Variants in BARHL2 observed in about 807,000 individuals in gnomAD.
BARHL2 encodes the protein BarH like homeobox 2.
Under a neutral mutation model 27.1 loss-of-function variants are expected in BARHL2, and 10 were observed. The observed-to-expected ratio is 0.37, with a 90% CI of 0.23 to 0.63. BARHL2 has a LOEUF of 0.63. Among genes scored for constraint, BARHL2 ranks in the 20% least tolerant of loss-of-function variants. The pLI is 0.65. For missense variants in BARHL2, 483 were observed against 533.5 expected (o/e 0.91, Z 0.93); for synonymous variants, 248 against 224.7 (o/e 1.10, Z -0.93).
At chr1:90,714,176 G>A (rs757418262) in intron 2 of BARHL2, among the ~76,000 whole-genome samples, 7 of 152,218 alleles carry the variant, frequency 4.6e-5, no homozygotes, top group African/African-American at 7.2e-5. Context: ...GGGGTGCACC[G>A]CGCAGGCTCT....
chr1:90,717,282 C>A lies in BARHL2; in HGVS notation c.-87G>T. 1 of 1,530,442 alleles carries A rather than the reference C, an allele frequency of 6.5e-7. No homozygotes were observed. Among genetic ancestry groups the A allele is most frequent in the Non-Finnish European group, 8.7e-7 (1 of 1,153,290 alleles). 94.8% of individuals were successfully genotyped at this position (1,530,442 alleles called of 1,614,324 possible). ...TATCGATCGTAAAACAAAATAAACA[C>A]CAAACAATGTTGCCGCCGCTTAAAA... On this transcript the variant is annotated 5_prime_UTR_variant, in exon 1 of 3. Transcript: ENST00000370445.
At position 90,717,255 on chromosome 1, in the gene BARHL2, G is replaced by C; in HGVS notation, c.-60C>G. On this transcript the variant is annotated 5_prime_UTR_variant, in exon 1 of 3. Coordinates refer to ENST00000370445, the MANE Select transcript of BARHL2 (RefSeq NM_020063.2). ...CAGCCGCCCCGAACCAGCGAAGAAA[G>C]CTATCGATCGTAAAACAAAATAAAC... The C allele has an allele frequency of 6.4e-7, 1 of 1,563,722 alleles. No individual in the cohort carries two copies. Among genetic ancestry groups the C allele is most frequent in the Non-Finnish European group, 8.6e-7 (1 of 1,165,996 alleles).
chr1:90,712,855 A>T (rs1394791106), intron 2 of BARHL2, among the ~76,000 whole-genome samples: 3 of 152,056 alleles, frequency 2.0e-5, no homozygotes. Flanking sequence ...AGTGGCTGAG[A>T]CCCTCACAAA....
At position 90,712,561 on chromosome 1, in the gene BARHL2, C is replaced by T. The variant is rs771489833; in HGVS notation, c.915G>A (p.Ser305=). 133 of 1,613,578 alleles carry T rather than the reference C, an allele frequency of 8.2e-5. No individual in the cohort carries two copies. Among genetic ancestry groups the T allele is most frequent in the Non-Finnish European group, 1.1e-4 (129 of 1,179,866 alleles). The change falls in exon 3 of 3, where the codon TCG becomes TCA. Residue 305 remains serine, a synonymous_variant. Coordinates refer to ENST00000370445, the MANE Select transcript of BARHL2 (RefSeq NM_020063.2). ...LELLAEAGNY[S]ALQRMFPSPY... is the part of the protein sequence containing the mutation. ...GCGATGGAAACATCCTCTGCAGCGCCGAGTAGTTCCCTGCCTCGGCCAGCA... is the reference window on the plus strand; with the variant it reads ...GCGATGGAAACATCCTCTGCAGCGCTGAGTAGTTCCCTGCCTCGGCCAGCA...
chr1:90,714,798 T>C, intron 1 of BARHL2, 42 bp from the exon 2 acceptor site: 1 of 1,595,434 alleles, frequency 6.3e-7, no homozygotes, highest in Non-Finnish European at 8.6e-7. Flanking sequence ...TAGCCTGGAA[T>C]GGGGAAGGAC....
Position 90,716,869 on chromosome 1 carries a change from G to T in BARHL2, c.327C>A (p.Pro109=). 6.4e-7 allele frequency: 1 copy of T among 1,570,352 alleles called. No individual in the cohort carries two copies. The highest frequency in any genetic ancestry group is 8.6e-7 in the Non-Finnish European group (1 of 1,159,036). ...GTGGCGGCAGCGGCTGCTGCTGTTGGGGCAAAGGCTGCAAACTTTGCGTCG... is the reference window on the plus strand; with the variant it reads ...GTGGCGGCAGCGGCTGCTGCTGTTGTGGCAAAGGCTGCAAACTTTGCGTCG... ...AAPTQSLQPL[P]QQQQPLPPQQ... is the part of the protein sequence containing the mutation. The change falls in exon 1 of 3, where the codon CCC becomes CCA. Residue 109 remains proline, a synonymous_variant. Coordinates refer to ENST00000370445, the MANE Select transcript of BARHL2 (RefSeq NM_020063.2).
chr1:90,716,578 T>C lies in BARHL2; in HGVS notation c.618A>G (p.Lys206=), dbSNP rs1213042380. ...DKREDSQSDI[K]CHGTKEEGDR... is the part of the protein sequence containing the mutation. ...CCGGGTGGCGGGACTCACCGTGGCA[T>C]TTGATGTCGCTCTGGGAATCCTCCC... The change falls in exon 1 of 3, where the codon AAA becomes AAG. Residue 206 remains lysine, a synonymous_variant. Transcript: ENST00000370445. The C allele has an allele frequency of 6.2e-7, 1 of 1,613,808 alleles. No individual in the cohort carries two copies. The highest frequency in any genetic ancestry group is 8.5e-7 in the Non-Finnish European group (1 of 1,179,936).
intron 2 of BARHL2, among the ~76,000 whole-genome samples, chr1:90,713,242 G>C (rs563490002): frequency 3.9e-4 from 60 of 152,300 alleles, no homozygotes; most frequent in Admixed American, 3.1e-3. Context: ...TCTCAAAATG[G>C]AATTCATTTG....
intron 2 of BARHL2, 97 bp downstream of exon 2, chr1:90,714,434 C>T (rs1658101590): frequency 8.2e-7 from 1 of 1,216,136 alleles, no homozygotes; most frequent in East Asian, 2.3e-5. Context: ...CACTCTCAGT[C>T]CTTAGAGTCT....
In BARHL2 at chr1:90,712,550, C is replaced by T. The variant is rs770097786; in HGVS notation, c.926G>A (p.Arg309Lys). The change falls in exon 3 of 3, where the codon AGG (arginine) becomes AAG (lysine). Residue 309 changes from arginine to lysine, a missense_variant. Coordinates refer to ENST00000370445, the MANE Select transcript of BARHL2 (RefSeq NM_020063.2). Reference protein sequence around the residue: ...AEAGNYSALQRMFPSPYFYHP... With the variant: ...AEAGNYSALQKMFPSPYFYHP... ...ATAGAAATAAGGCGATGGAAACATC[C>T]TCTGCAGCGCCGAGTAGTTCCCTGC... The T allele has an allele frequency of 6.8e-6, 11 of 1,613,938 alleles. No individual in the cohort carries two copies. Among genetic ancestry groups the T allele is most frequent in the Non-Finnish European group, 9.3e-6 (11 of 1,179,972 alleles).
chr1:90,716,749 G>A lies in BARHL2; in HGVS notation c.447C>T (p.Gly149=), dbSNP rs746893395. 3.8e-6 allele frequency: 6 copies of A among 1,588,966 alleles called. No individual in the cohort carries two copies. Among genetic ancestry groups the A allele is most frequent in the Non-Finnish European group, 8.6e-7 (1 of 1,166,834 alleles). ...CACATGCCGCCAGAGGTTTGCTGTC[G>A]CCCAAGATGTCCTTAATTAAAAAAG... ...TSSFLIKDIL[G]DSKPLAACAP... Residue 149 remains glycine, a synonymous_variant, in exon 1 of 3, where the codon GGC becomes GGT. Coordinates refer to ENST00000370445, the MANE Select transcript of BARHL2 (RefSeq NM_020063.2).
In BARHL2 at chr1:90,716,992, G is replaced by T. The variant is rs148411180; in HGVS notation, c.204C>A (p.Val68=). The part of the protein sequence containing the change: ...VGTAPSSPIS[V]TMEPPEPHLV... ...GATGCGGCTCCGGGGGCTCCATGGT[G>T]ACTGAGATAGGAGAAGAAGGCGCCG... The change falls in exon 1 of 3, where the codon GTC becomes GTA. Residue 68 remains valine (V), a synonymous_variant. Transcript: ENST00000370445. 158 of 1,613,798 alleles carry T rather than the reference G, an allele frequency of 9.8e-5. No individual in the cohort carries two copies. The African/African-American group carries it at 1.7e-3, about 18-fold the overall frequency.
At position 90,714,784 on chromosome 1, in the gene BARHL2, A is replaced by T. The variant is rs747499246; in HGVS notation, c.626-28T>A. 7 of 1,609,532 alleles carry T rather than the reference A, an allele frequency of 4.3e-6. No individual in the cohort carries two copies. In the South Asian group the frequency reaches 7.7e-5, roughly 18 times the overall value. On this transcript the variant is annotated intron_variant, in intron 1 of 2. Coordinates refer to ENST00000370445, the MANE Select transcript of BARHL2 (RefSeq NM_020063.2). ...ACCATAGAAACCCAGCCACGGTGGT[A>T]AGTTAGCCTGGAATGGGGAAGGACT...
chr1:90,716,822 G>C lies in BARHL2; in HGVS notation c.374C>G (p.Pro125Arg), dbSNP rs778419577. 21 of 1,552,568 alleles carry C rather than the reference G, an allele frequency of 1.4e-5. No individual in the cohort carries two copies. In the Admixed American group the frequency reaches 1.8e-4, roughly 13 times the overall value. Residue 125 changes from proline to arginine, a missense_variant, in exon 1 of 3, where the codon CCC (proline) becomes CGC (arginine). By Grantham distance (103) the Pro-to-Arg change is moderately radical (BLOSUM62 -2). Coordinates refer to ENST00000370445, the MANE Select transcript of BARHL2 (RefSeq NM_020063.2). ...CGAGGCGGCCGAGCCCAGCTGCTGGGGGGGCGGCGGCGGCGGCTGCTGTGG... is the reference window on the plus strand; with the variant it reads ...CGAGGCGGCCGAGCCCAGCTGCTGGCGGGGCGGCGGCGGCGGCTGCTGTGG... The part of the protein sequence containing the change: ...LPPQQPPPPP[P>R]QQLGSAASAP...
chr1:90,712,502 A>G lies in BARHL2; in HGVS notation c.974T>C (p.Met325Thr). Reference sequence around the variant, plus strand: ...AGCCGCCGCCGCCGTAGTGCTGTCCATGCTGCCCAGCAGGCTTGGGTGATA... The same window carrying G: ...AGCCGCCGCCGCCGTAGTGCTGTCCGTGCTGCCCAGCAGGCTTGGGTGATA... ...YFYHPSLLGS[M>T]DSTTAAAAAA... The change falls in exon 3 of 3, where the codon ATG becomes ACG. Residue 325 changes from methionine (M) to threonine (T), a missense_variant. By Grantham distance (81) the Met-to-Thr change is moderately conservative (BLOSUM62 -1). This residue lies in a region of BARHL2 where 130 missense variants were observed against 138.0 expected (regional missense o/e 0.94). Transcript: ENST00000370445. The G allele has an allele frequency of 1.2e-6, 2 of 1,614,014 alleles. No individual in the cohort carries two copies.
Position 90,717,081 on chromosome 1 carries a change from T to C in BARHL2, c.115A>G (p.Arg39Gly). ...GCCTGACTCCTAAAATCCGCGGTCC[T>C]GGCCTCACCGAGCGGGCGGAAATCT... ...NGDFRPLGEA[R>G]TADFRSQATP... is the part of the protein sequence containing the mutation. The change falls in exon 1 of 3, where the codon AGG (arginine) becomes GGG (glycine). Residue 39 changes from arginine (R) to glycine (G), a missense_variant. This residue lies in a region of BARHL2 where 304 missense variants were observed against 284.9 expected (regional missense o/e 1.07). Coordinates refer to ENST00000370445, the MANE Select transcript of BARHL2 (RefSeq NM_020063.2). 1 of 1,613,976 alleles carries C rather than the reference T, an allele frequency of 6.2e-7. No homozygotes were observed. The highest frequency in any genetic ancestry group is 1.6e-4 in the Middle Eastern group (1 of 6,062).
At position 90,716,804 on chromosome 1, in the gene BARHL2, G is replaced by A; in HGVS notation, c.392C>T (p.Ala131Val). 5.8e-6 allele frequency: 9 copies of A among 1,552,546 alleles called. No individual in the cohort carries two copies. In the South Asian group the frequency reaches 7.1e-5, roughly 12 times the overall value. ...CGTGGAAGTCCTGGGGGCCGAGGCG[G>A]CCGAGCCCAGCTGCTGGGGGGGCGG... ...PPPPPQQLGSAASAPRTSTSS... is the reference protein window; with the variant it reads ...PPPPPQQLGSVASAPRTSTSS... The change falls in exon 1 of 3, where the codon GCC (alanine) becomes GTC (valine). Residue 131 changes from alanine to valine, a missense_variant. By Grantham distance (64) the Ala-to-Val change is moderately conservative. Around this residue, in one of 3 missense-constraint regions of BARHL2, gnomAD observed 304 missense variants for 284.9 expected, o/e 1.07. Coordinates refer to ENST00000370445, the MANE Select transcript of BARHL2 (RefSeq NM_020063.2).
rs745768649 is a variant in BARHL2, at chr1:90,716,934, G to C, written c.262C>G (p.Leu88Val). 62 of 1,611,976 alleles carry C rather than the reference G, an allele frequency of 3.8e-5. No homozygotes were observed. Among genetic ancestry groups the C allele is most frequent in the Non-Finnish European group, 5.1e-5 (60 of 1,179,430 alleles). Residue 88 changes from leucine (L) to valine (V), a missense_variant, in exon 1 of 3, where the codon CTC (leucine) becomes GTC (valine). Around this residue, in one of 3 missense-constraint regions of BARHL2, gnomAD observed 304 missense variants for 284.9 expected, o/e 1.07. Coordinates refer to ENST00000370445, the MANE Select transcript of BARHL2 (RefSeq NM_020063.2). The stretch of plus-strand genomic sequence containing the variant: ...GGCGGCGGCTGCTGGCTGTGGTGGA[G>C]GTGGTGATGATGCTGGGTCGCGTCT... ...VADATQHHHH[L>V]HHSQQPPPPA...
intron 1 of BARHL2, among the ~76,000 whole-genome samples, chr1:90,715,084 TGA>T (rs1326085181): frequency 1.3e-5 from 2 of 152,054 alleles, no homozygotes; most frequent in African/African-American, 4.8e-5. Flanking sequence ...TTTCCTTGAC[TGA>T]GAGAGATGCT....
Sources: allele counts gnomAD v4.1 joint callset (sites outside exome capture counted in the v4.1 genomes callset), GRCh38; gene constraint gnomAD v4.1.1; regional missense constraint gnomAD v4.1.1; transcripts MANE v1.5; gene names NCBI Gene and HGNC (gene_info 2026-07-23, HGNC 2026-07-21).